PDE4D: variants seen among roughly 807,000 people sequenced by gnomAD.
PDE4D encodes phosphodiesterase 4D.
A neutral mutation model predicts 87.4 loss-of-function variants in PDE4D; 24 were observed. The ratio of observed to expected loss-of-function variants is 0.27; its 90% CI spans 0.20 to 0.39. PDE4D has a LOEUF of 0.39. Among genes scored for constraint, PDE4D ranks in the 10% least tolerant of loss-of-function variants. The pLI is 1.00. For missense variants in PDE4D, 714 were observed against 1,041.0 expected (o/e 0.69, Z 4.32); for synonymous variants, 384 against 383.2 (o/e 1.00, Z -0.02).
chr5:60,173,365 T>C (rs1783642823), intron 2 of PDE4D, among the ~76,000 whole-genome samples: 1 of 152,156 alleles, frequency 6.6e-6, no homozygotes, highest in African/African-American at 2.4e-5. Flanking sequence ...GTTGTAATAG[T>C]ATATGGAAAC....
chr5:60,137,414 C>T (rs1054694112), intron 2 of PDE4D, among the ~76,000 whole-genome samples: 1 of 152,176 alleles, frequency 6.6e-6, no homozygotes, highest in Non-Finnish European at 1.5e-5. Flanking sequence ...TACACTTTCA[C>T]CAACAGAGTA....
At chr5:58,990,736 T>C in intron 9 of PDE4D, 68 bp downstream of exon 9, 1 of 800,780 alleles carries the variant, frequency 1.2e-6, no homozygotes, top group East Asian at 2.7e-5. Context: ...ACAAAATGTA[T>C]GCATAAGCTA....
chr5:59,461,177 T>C lies in PDE4D; in HGVS notation c.456-245209A>G, dbSNP rs181262327. Among the ~76,000 whole-genome samples, 139 of 152,084 alleles carry C rather than the reference T, an allele frequency of 9.1e-4. 1 individual carries two copies. The highest frequency in any genetic ancestry group is 3.4e-3 in the Middle Eastern group (1 of 292). ...ACTGACATAAATAGCTAAGAAATTTTAGGTAAAAAAAAAAGTTTGTTTAAA... is the reference window on the plus strand; with the variant it reads ...ACTGACATAAATAGCTAAGAAATTTCAGGTAAAAAAAAAAGTTTGTTTAAA... On this transcript the variant is annotated intron_variant, in intron 1 of 14. Coordinates refer to ENST00000340635, the MANE Select transcript of PDE4D (RefSeq NM_001104631.2).
intron 2 of PDE4D, among the ~76,000 whole-genome samples, chr5:60,074,898 C>A (rs1313226925): frequency 6.6e-6 from 1 of 152,090 alleles, no homozygotes; most frequent in African/African-American, 2.4e-5. Flanking sequence ...ATGGGTGTCA[C>A]CGCATATGAG....
chr5:59,861,038 T>TA (rs900196166), intron 1 of PDE4D, among the ~76,000 whole-genome samples: 2 of 150,698 alleles, frequency 1.3e-5, no homozygotes, highest in African/African-American at 4.9e-5. Context: ...TTTTTTTTTT[T>TA]TTTTGTATTT....
chr5:59,090,807 C>CTTTTTTTTTTTTTTTTTTTTTTTTTT, intron 5 of PDE4D, among the ~76,000 whole-genome samples: 1 of 106,024 alleles, frequency 9.4e-6, no homozygotes, highest in Non-Finnish European at 1.9e-5. Flanking sequence ...TTTTCTTTTT[C>CTTTTTTTTTTTTTTTTTTTTTTTTTT]TTTTTTTTTT....
intron 1 of PDE4D, among the ~76,000 whole-genome samples, chr5:59,269,743 T>C (rs1184505960): frequency 6.6e-6 from 1 of 152,124 alleles, no homozygotes; most frequent in Non-Finnish European, 1.5e-5. Context: ...TTTTTACTTA[T>C]ATATTTCACA....
intron 1 of PDE4D, among the ~76,000 whole-genome samples, chr5:59,762,329 CGTATATGGGTACACATATGCATATATGT>C (rs1561615382): frequency 5.0e-5 from 6 of 120,334 alleles, no homozygotes; most frequent in Admixed American, 1.6e-4. Context: ...TACACATATG[CGTATATGGGTACACATATGCATATATGT>C]GTATATGGGT....
intron 2 of PDE4D, among the ~76,000 whole-genome samples, chr5:60,036,519 AC>A (rs1264369736): frequency 6.6e-6 from 1 of 152,218 alleles, no homozygotes; most frequent in Non-Finnish European, 1.5e-5. Context: ...AATTTATTCA[AC>A]TTTCTCTGCA....
intron 2 of PDE4D, among the ~76,000 whole-genome samples, chr5:60,155,721 G>A (rs1178786728): frequency 3.3e-5 from 5 of 152,150 alleles, no homozygotes; most frequent in Non-Finnish European, 7.4e-5. Context: ...GGTTCAGGTA[G>A]AATAAATTTT....
chr5:59,655,730 A>G (rs574200308), intron 1 of PDE4D, among the ~76,000 whole-genome samples: 1 of 152,340 alleles, frequency 6.6e-6, no homozygotes, highest in East Asian at 1.9e-4. Flanking sequence ...AGAAACAGAA[A>G]CTAAGAACCC....
In PDE4D at chr5:60,410,707, A is replaced by AAGGTTAAG. The variant is rs1363480925; in HGVS notation, c.-90+77227_-90+77234dup. Among the ~76,000 whole-genome samples, 3 of 152,212 alleles carry AAGGTTAAG rather than the reference A, an allele frequency of 2.0e-5. No homozygotes were observed. In the East Asian group the frequency reaches 5.8e-4, roughly 29 times the overall value. ...ATTTTACAATGAGGAGAGCTAGTCTAAGGTTAAGCAACTTTCCAAAGCTCT... is the reference window on the plus strand; with the variant it reads ...ATTTTACAATGAGGAGAGCTAGTCTAAGGTTAAGAGGTTAAGCAACTTTCCAAAGCTCT... On this transcript the variant is annotated intron_variant, in intron 1 of 16. Transcript: ENST00000502484.
chr5:60,023,915 C>A lies in PDE4D; in HGVS notation c.43-35198G>T, dbSNP rs564122123. ...CACAGATATCACTAATAATTCCCAA[C>A]CATAGGGCTAGTATTTCTCTAAAAA... On this transcript the variant is annotated intron_variant, in intron 2 of 16. Transcript: ENST00000502484. 3.3e-5 allele frequency among the ~76,000 whole-genome samples: 5 copies of A among 152,236 alleles called. No individual in the cohort carries two copies. In the South Asian group the frequency reaches 1.0e-3, roughly 32 times the overall value.
At chr5:59,317,806 G>C (rs1030148773) in intron 1 of PDE4D, among the ~76,000 whole-genome samples, 3 of 152,112 alleles carry the variant, frequency 2.0e-5, no homozygotes, top group African/African-American at 7.2e-5. Flanking sequence ...TTGAGGTTAT[G>C]CAGCTGGATG....
At chr5:59,667,534 C>T (rs1746283514) in intron 1 of PDE4D, among the ~76,000 whole-genome samples, 1 of 152,082 alleles carries the variant, frequency 6.6e-6, no homozygotes, top group Admixed American at 6.6e-5. Context: ...CAAATCACAC[C>T]CAGCATCTCC....
chr5:59,268,588 C>A (rs1445452503), intron 1 of PDE4D, among the ~76,000 whole-genome samples: 1 of 151,968 alleles, frequency 6.6e-6, no homozygotes, highest in African/African-American at 2.4e-5. Context: ...CCTTCAACCC[C>A]TGTATTATAT....
At position 59,162,614 on chromosome 5, in the gene PDE4D, G is replaced by C. The variant is rs559121819; in HGVS notation, c.808+17981C>G. Reference sequence around the variant, plus strand: ...AGCACTTTGGGAGGCCAAGGCAGGAGAATCACTTGAGCCCAGGAGTGCAAG... The same window carrying C: ...AGCACTTTGGGAGGCCAAGGCAGGACAATCACTTGAGCCCAGGAGTGCAAG... On this transcript the variant is annotated intron_variant, in intron 5 of 14. Transcript: ENST00000340635. Among the ~76,000 whole-genome samples, 76 of 151,018 alleles carry C rather than the reference G, an allele frequency of 5.0e-4. 2 individuals carry two copies. The South Asian group carries it at 0.015, about 30-fold the overall frequency.
At chr5:60,406,266 T>A (rs528757110) in intron 1 of PDE4D, among the ~76,000 whole-genome samples, 1 of 152,318 alleles carries the variant, frequency 6.6e-6, no homozygotes, top group Admixed American at 6.5e-5. Flanking sequence ...ACTTGCCATG[T>A]CTAAATATTT....
intron 5 of PDE4D, among the ~76,000 whole-genome samples, chr5:59,178,931 T>G (rs1291694990): frequency 1.3e-5 from 2 of 152,128 alleles, no homozygotes. Flanking sequence ...CAGGTACAGG[T>G]TCATAAATGT....
Sources: gnomAD v4.1 joint callset for allele counts (sites outside exome capture counted in the v4.1 genomes callset) on GRCh38, gnomAD v4.1.1 for gene constraint, MANE v1.5 for transcripts, NCBI Gene and HGNC (gene_info 2026-07-23, HGNC 2026-07-21) for gene names.